The following IDNK variants were observed in gnomAD, a reference collection of about 807,000 sequenced individuals.
IDNK encodes the protein gluconokinase.
A neutral mutation model predicts 13.0 loss-of-function variants in IDNK; 9 were observed. The ratio of observed to expected loss-of-function variants is 0.69; its 90% CI spans 0.42 to 1.21. The LOEUF (loss-of-function observed/expected upper bound fraction) is 1.21. Ranked by LOEUF, IDNK falls within the 50% of genes most tolerant of loss-of-function variation. IDNK has a pLI of 0.00. For missense variants in IDNK, 210 were observed against 237.8 expected, an observed-to-expected ratio of 0.88 and a Z score of 0.77; for synonymous variants, 92 against 94.9, an observed-to-expected ratio of 0.97 and a Z score of 0.18.
chr9:83,627,873 AAAAAAT>A (rs1317609278), intron 1 of IDNK: 6,534 of 198,512 alleles, frequency 0.033, 267 homozygotes, highest in Middle Eastern at 0.075. Context: ...AAAAAAAAAA[AAAAAAT>A]TACACAACAG....
chr9:83,636,174 G>T (rs1344649490), intron 3 of IDNK, among the ~76,000 whole-genome samples: 1 of 152,174 alleles, frequency 6.6e-6, no homozygotes, highest in African/African-American at 2.4e-5. Flanking sequence ...AGTTCAAATG[G>T]TACCTTAGGA....
intron 1 of IDNK, among the ~76,000 whole-genome samples, chr9:83,626,023 G>T (rs557689597): frequency 6.6e-6 from 1 of 152,244 alleles, no homozygotes; most frequent in Admixed American, 6.5e-5. Flanking sequence ...CTCCTTCCAG[G>T]TTTCCTTCTC....
At chr9:83,629,781 G>T (rs192054934) in intron 3 of IDNK, among the ~76,000 whole-genome samples, 44 of 152,338 alleles carry the variant, frequency 2.9e-4, no homozygotes, top group Admixed American at 8.5e-4. Context: ...CCCCTAAAAG[G>T]GCAGGGACTG....
intron 3 of IDNK, among the ~76,000 whole-genome samples, chr9:83,641,173 C>T (rs1587621854): frequency 2.6e-5 from 4 of 152,138 alleles, no homozygotes; most frequent in South Asian, 4.2e-4. Context: ...GGACAGCTGA[C>T]GTAAGGGTTT....
chr9:83,634,729 T>C (rs1831118433), intron 3 of IDNK, among the ~76,000 whole-genome samples: 2 of 152,226 alleles, frequency 1.3e-5, no homozygotes, highest in South Asian at 4.1e-4. Context: ...ATGTACAATC[T>C]GAGCAAAATA....
At chr9:83,631,095 C>A (rs1196839705) in intron 3 of IDNK, among the ~76,000 whole-genome samples, 2 of 152,176 alleles carry the variant, frequency 1.3e-5, no homozygotes, top group African/African-American at 4.8e-5. Flanking sequence ...GGCACCAATA[C>A]AGCTCCTGGT....
intron 1 of IDNK, among the ~76,000 whole-genome samples, chr9:83,625,708 TCACAG>T (rs1830830409): frequency 6.6e-6 from 1 of 152,194 alleles, no homozygotes; most frequent in South Asian, 2.1e-4. Flanking sequence ...AAAATATTTA[TCACAG>T]CCTAATGGCT....
intron 3 of IDNK, among the ~76,000 whole-genome samples, chr9:83,632,205 C>T (rs1230909989): frequency 6.6e-6 from 1 of 152,080 alleles, no homozygotes; most frequent in Non-Finnish European, 1.5e-5. Flanking sequence ...CCCCGCCATT[C>T]CCACTCCCCA....
chr9:83,643,075 C>G (rs989048314), intron 4 of IDNK, among the ~76,000 whole-genome samples: 3 of 152,210 alleles, frequency 2.0e-5, no homozygotes, highest in Non-Finnish European at 2.9e-5. Context: ...TGCGACAGAG[C>G]AACGTCTGAC....
chr9:83,626,716 T>G, intron 1 of IDNK: 1 of 1,263,728 alleles, frequency 7.9e-7, no homozygotes, highest in Non-Finnish European at 1.0e-6. Flanking sequence ...GGGCTCAACC[T>G]AACTTGGTCT....
At chr9:83,640,151 A>T (rs1385459474) in intron 3 of IDNK, among the ~76,000 whole-genome samples, 6 of 152,262 alleles carry the variant, frequency 3.9e-5, no homozygotes, top group African/African-American at 1.4e-4. Context: ...TACAATGCTC[A>T]TTAAAGAAAT....
chr9:83,628,531 A>G (rs1830923956), intron 2 of IDNK, among the ~76,000 whole-genome samples: 2 of 152,150 alleles, frequency 1.3e-5, no homozygotes, highest in South Asian at 4.1e-4. Context: ...CGCCTACTGT[A>G]GTCCCAGCTA....
At chr9:83,623,250 C>G in intron 1 of IDNK, 29 bp downstream of exon 1, 1 of 1,382,796 alleles carries the variant, frequency 7.2e-7, no homozygotes. Flanking sequence ...GGGGGGCGCC[C>G]GGGACAAGTG....
intron 1 of IDNK, chr9:83,626,935 CT>C: frequency 1.3e-6 from 1 of 757,024 alleles, no homozygotes; most frequent in Non-Finnish European, 1.6e-6. Context: ...TCTCTGATAG[CT>C]TTTTAGTGAA....
At chr9:83,638,317 G>T (rs1490545143) in intron 3 of IDNK, among the ~76,000 whole-genome samples, 2 of 152,016 alleles carry the variant, frequency 1.3e-5, no homozygotes, top group African/African-American at 4.8e-5. Flanking sequence ...ATCAATAGAT[G>T]GATTAAACAA....
intron 3 of IDNK, among the ~76,000 whole-genome samples, chr9:83,630,071 G>A (rs1830969968): frequency 6.6e-6 from 1 of 152,196 alleles, no homozygotes. Flanking sequence ...CAACACTGTT[G>A]TTCTCACTTT....
At chr9:83,641,052 C>T (rs778333928) in intron 3 of IDNK, among the ~76,000 whole-genome samples, 6 of 152,140 alleles carry the variant, frequency 3.9e-5, no homozygotes, top group Admixed American at 3.3e-4. Context: ...CACTGTAGCA[C>T]GTGCTACGTA....
chr9:83,640,791 G>A (rs1831283779), intron 3 of IDNK, among the ~76,000 whole-genome samples: 1 of 152,244 alleles, frequency 6.6e-6, no homozygotes, highest in South Asian at 2.1e-4. Flanking sequence ...GTTGCGGTGA[G>A]CCGAGATCGT....
intron 3 of IDNK, among the ~76,000 whole-genome samples, chr9:83,631,451 GAAAA>G (rs57832482): frequency 0.055 from 3,123 of 57,022 alleles, 241 homozygotes; most frequent in African/African-American, 0.21. Context: ...TACAAAAACT[GAAAA>G]AAAAAAAAAA....
Sources: allele counts gnomAD v4.1 joint callset (sites outside exome capture counted in the v4.1 genomes callset), GRCh38; gene constraint gnomAD v4.1.1; transcripts MANE v1.5; gene names NCBI Gene and HGNC (gene_info 2026-07-23, HGNC 2026-07-21).